The following KLHL28 variants were observed in gnomAD, a reference collection of about 807,000 sequenced individuals.
The protein encoded by KLHL28 is kelch like family member 28.
In KLHL28, 22 loss-of-function variants were observed where a neutral mutation model predicts 48.3. The observed-to-expected ratio is 0.46, with a 90% CI of 0.33 to 0.65. The LOEUF is 0.65. Ranked by LOEUF, KLHL28 falls within the 30% of genes least tolerant of loss-of-function variation. The pLI, the probability that KLHL28 is intolerant of heterozygous loss-of-function variation, is 0.03. For missense variants in KLHL28, 527 were observed against 704.3 expected (o/e 0.75, Z 2.85); for synonymous variants, 243 against 242.4 (o/e 1.00, Z -0.02).
chr14:44,937,660 C>T (rs943681449), intron 2 of KLHL28, among the ~76,000 whole-genome samples: 18 of 152,114 alleles, frequency 1.2e-4, no homozygotes, highest in Middle Eastern at 3.4e-3. Flanking sequence ...CATTTTCTGC[C>T]GATATAACAG....
intron 1 of KLHL28, among the ~76,000 whole-genome samples, chr14:44,946,551 CTTTTTTT>C (rs397853423): frequency 1.6e-5 from 2 of 122,542 alleles, no homozygotes; most frequent in African/African-American, 3.1e-5. Context: ...CCACTCAACT[CTTTTTTT>C]TTTTTTTTTT....
At chr14:44,936,630 G>A (rs1410082646) in intron 2 of KLHL28, among the ~76,000 whole-genome samples, 2 of 152,192 alleles carry the variant, frequency 1.3e-5, no homozygotes, top group Non-Finnish European at 2.9e-5. Context: ...ACTGGGGAGT[G>A]CTGAAGGCTC....
intron 2 of KLHL28, among the ~76,000 whole-genome samples, chr14:44,941,888 T>G (rs1884112157): frequency 6.6e-6 from 1 of 152,160 alleles, no homozygotes; most frequent in African/African-American, 2.4e-5. Context: ...AGATTTTCAT[T>G]CACAATCAAT....
intron 2 of KLHL28, among the ~76,000 whole-genome samples, chr14:44,938,105 A>C (rs927493116): frequency 1.3e-5 from 2 of 152,188 alleles, no homozygotes; most frequent in East Asian, 1.9e-4. Context: ...CAATAGCCCC[A>C]AAAGTCTTAA....
intron 1 of KLHL28, among the ~76,000 whole-genome samples, chr14:44,955,373 G>A (rs946230852): frequency 3.3e-5 from 5 of 151,890 alleles, no homozygotes; most frequent in Non-Finnish European, 5.9e-5. Context: ...TGACCATCCC[G>A]GTAGCAAAGA....
chr14:44,929,794 G>A (rs1176645647), intron 4 of KLHL28, among the ~76,000 whole-genome samples: 1 of 152,096 alleles, frequency 6.6e-6, no homozygotes, highest in Admixed American at 6.6e-5. Context: ...TGCCTGGCTC[G>A]ACAGCCTAGG....
chr14:44,959,670 C>A (rs76447192), intron 1 of KLHL28, among the ~76,000 whole-genome samples: 6,035 of 152,128 alleles, frequency 0.04, 201 homozygotes, highest in East Asian at 0.12. Flanking sequence ...ACACACATTC[C>A]TATAATTCAC....
intron 1 of KLHL28, among the ~76,000 whole-genome samples, chr14:44,958,294 A>G (rs1884879325): frequency 6.6e-6 from 1 of 151,932 alleles, no homozygotes; most frequent in East Asian, 1.9e-4. Flanking sequence ...GCCACAAAAC[A>G]GTGGTGCTGA....
At chr14:44,930,516 G>A (rs1883538380) in intron 4 of KLHL28, among the ~76,000 whole-genome samples, 1 of 151,986 alleles carries the variant, frequency 6.6e-6, no homozygotes, top group Non-Finnish European at 1.5e-5. Flanking sequence ...CTCCCACTTC[G>A]GCCTCCCAAA....
intron 1 of KLHL28, among the ~76,000 whole-genome samples, chr14:44,948,054 T>A (rs1193036764): frequency 6.6e-6 from 1 of 152,154 alleles, no homozygotes; most frequent in African/African-American, 2.4e-5. Flanking sequence ...CCTATGTAAC[T>A]TCTTTTAGCC....
chr14:44,934,427 C>T lies in KLHL28; in HGVS notation c.1031G>A (p.Arg344His), dbSNP rs546980465. Residue 344 changes from arginine to histidine, a missense_variant, in exon 3 of 5, where the codon CGT (arginine) becomes CAT (histidine). Transcript: ENST00000396128. ...YVIGGIATNV[R>H]PGVTIRKHEN... is the part of the protein sequence containing the mutation. ...ATGTTTTCTGATAGTGACGCCAGGA[C>T]GCACATTAGTTGCAATACCACCTAT... 2.4e-5 allele frequency: 39 copies of T among 1,614,130 alleles called. 1 individual carries two copies. Among genetic ancestry groups the T allele is most frequent in the South Asian group, 1.9e-4 (17 of 91,080 alleles).
In KLHL28 at chr14:44,939,656, C is replaced by T. The variant is rs150361630; in HGVS notation, c.900-5098G>A. On this transcript the variant is annotated intron_variant, in intron 2 of 4. Coordinates refer to ENST00000396128, the MANE Select transcript of KLHL28 (RefSeq NM_017658.5). Reference sequence around the variant, plus strand: ...ATATAGCAAGGATGGCCTTTACTCTCAGTTTCTGCTTGAGACCTCATCAGA... The same window carrying T: ...ATATAGCAAGGATGGCCTTTACTCTTAGTTTCTGCTTGAGACCTCATCAGA... 4.6e-3 allele frequency among the ~76,000 whole-genome samples: 707 copies of T among 152,248 alleles called. 4 individuals are homozygous for T. Among genetic ancestry groups the T allele is most frequent in the Middle Eastern group, 0.01 (3 of 294 alleles).
intron 4 of KLHL28, among the ~76,000 whole-genome samples, chr14:44,930,582 T>C (rs1367771922): frequency 6.6e-6 from 1 of 152,216 alleles, no homozygotes; most frequent in African/African-American, 2.4e-5. Context: ...CTGAAACTTT[T>C]TGAGCACCAT....
At chr14:44,939,028 C>T (rs1883961523) in intron 2 of KLHL28, among the ~76,000 whole-genome samples, 1 of 152,158 alleles carries the variant, frequency 6.6e-6, no homozygotes, top group Admixed American at 6.5e-5. Context: ...GGTAGCCATG[C>T]CCCCATAACT....
At chr14:44,960,826 T>G in intron 1 of KLHL28, 2 of 846,886 alleles carry the variant, frequency 2.4e-6, no homozygotes, top group Non-Finnish European at 3.6e-6. Flanking sequence ...TTTATAAAGC[T>G]GTTTGGCATA....
intron 1 of KLHL28, among the ~76,000 whole-genome samples, chr14:44,955,737 G>A (rs1194408132): frequency 3.3e-5 from 5 of 152,208 alleles, no homozygotes; most frequent in African/African-American, 1.2e-4. Flanking sequence ...AGTGTGCAGT[G>A]ATTGCACAAC....
chr14:44,928,986 T>TACA lies in KLHL28; in HGVS notation c.*39_*41dup. Reference sequence around the variant, plus strand: ...CTGGGCCATCCGGATGTTCATGCAGTACAAGTTTCACCACCATACTATTTC... The same window carrying TACA: ...CTGGGCCATCCGGATGTTCATGCAGTACAACAAGTTTCACCACCATACTATTTC... On this transcript the variant is annotated 3_prime_UTR_variant, in exon 5 of 5. Transcript: ENST00000396128. 1 of 1,599,104 alleles carries TACA rather than the reference T, an allele frequency of 6.3e-7. No individual in the cohort carries two copies. The highest frequency in any genetic ancestry group is 1.1e-5 in the South Asian group (1 of 90,298).
At chr14:44,960,862 A>G in intron 1 of KLHL28, 1 of 1,417,550 alleles carries the variant, frequency 7.1e-7, no homozygotes, top group Non-Finnish European at 9.7e-7. Context: ...CCAAGACTTT[A>G]AAAAGTATTT....
chr14:44,930,990 C>T (rs974896809), intron 4 of KLHL28, among the ~76,000 whole-genome samples: 2 of 152,086 alleles, frequency 1.3e-5, no homozygotes, highest in Admixed American at 1.3e-4. Flanking sequence ...CAAAACAGAA[C>T]AATCCGAGGA....
Sources: allele counts gnomAD v4.1 joint callset (sites outside exome capture counted in the v4.1 genomes callset), GRCh38; gene constraint gnomAD v4.1.1; transcripts MANE v1.5; gene names NCBI Gene and HGNC (gene_info 2026-07-23, HGNC 2026-07-21).